PRELID2: variants seen among roughly 807,000 people sequenced by gnomAD.
The protein encoded by PRELID2 is PRELI domain containing 2.
PRELID2 carries 25 observed loss-of-function variants against 28.4 expected under a neutral mutation model. The ratio of observed to expected loss-of-function variants is 0.88; its 90% CI spans 0.64 to 1.23. PRELID2 has a LOEUF of 1.23. Ranked by LOEUF, PRELID2 falls within the 50% of genes most tolerant of loss-of-function variation. PRELID2 has a pLI of 0.00. For missense variants in PRELID2, 201 were observed against 214.4 expected (o/e 0.94, Z 0.39); for synonymous variants, 76 against 71.6 (o/e 1.06, Z -0.31).
At chr5:145,776,937 A>T (rs1378995062) in intron 5 of PRELID2, among the ~76,000 whole-genome samples, 1 of 152,172 alleles carries the variant, frequency 6.6e-6, no homozygotes, top group Non-Finnish European at 1.5e-5. Flanking sequence ...TCCTTTCAAT[A>T]AAAAAATTAA....
At chr5:145,329,575 T>G in the PRELID2 span, among the ~76,000 whole-genome samples, 2 of 152,216 alleles carry the variant, frequency 1.3e-5, no homozygotes, top group Non-Finnish European at 2.9e-5. Context: ...GATTTGGCTG[T>G]CTGTTTCCCT....
the PRELID2 span, among the ~76,000 whole-genome samples, chr5:145,455,046 T>C: frequency 8.7e-4 from 132 of 152,334 alleles, 1 homozygote; most frequent in African/African-American, 3.0e-3. Flanking sequence ...AGTCATGAAA[T>C]CTTTGCCCAT....
the PRELID2 span, among the ~76,000 whole-genome samples, chr5:145,424,799 C>T: frequency 6.6e-6 from 1 of 152,128 alleles, no homozygotes; most frequent in African/African-American, 2.4e-5. Context: ...AAATGTAAAA[C>T]CCAAAACTAT....
chr5:145,714,710 T>G (rs1023365794), intron 1 of PRELID2, among the ~76,000 whole-genome samples: 4 of 152,196 alleles, frequency 2.6e-5, no homozygotes, highest in African/African-American at 7.2e-5. Flanking sequence ...GTCTCCTTGT[T>G]GCCAAATCCA....
chr5:145,456,333 T>A, the PRELID2 span, among the ~76,000 whole-genome samples: 1 of 152,232 alleles, frequency 6.6e-6, no homozygotes, highest in East Asian at 1.9e-4. Context: ...GTCTGCAGAC[T>A]ATTTTGTGTA....
chr5:145,520,763 A>G (rs749296065), intron 1 of PRELID2, among the ~76,000 whole-genome samples: 1 of 152,196 alleles, frequency 6.6e-6, no homozygotes, highest in African/African-American at 2.4e-5. Context: ...TTTAAACCTC[A>G]AGCAGACAAG....
intron 1 of PRELID2, among the ~76,000 whole-genome samples, chr5:145,604,529 C>A (rs1753467995): frequency 6.6e-6 from 1 of 151,950 alleles, no homozygotes; most frequent in Non-Finnish European, 1.5e-5. Flanking sequence ...GTGAACAGTG[C>A]TGCAATGAAC....
chr5:145,645,184 T>C (rs1331290779), intron 1 of PRELID2, among the ~76,000 whole-genome samples: 1 of 152,162 alleles, frequency 6.6e-6, no homozygotes, highest in East Asian at 1.9e-4. Flanking sequence ...ACTTGCTTTA[T>C]GAATCTGGGT....
At chr5:145,519,088 T>C (rs893279014) in intron 1 of PRELID2, among the ~76,000 whole-genome samples, 1 of 152,182 alleles carries the variant, frequency 6.6e-6, no homozygotes. Flanking sequence ...CACCAAGACT[T>C]CTCTGGTGGA....
chr5:145,423,264 T>A, the PRELID2 span, among the ~76,000 whole-genome samples: 1 of 149,352 alleles, frequency 6.7e-6, no homozygotes, highest in African/African-American at 2.5e-5. Flanking sequence ...CTGTATTTCC[T>A]GAATCTGAAC....
At chr5:145,630,798 AG>A (rs1753922412) in intron 1 of PRELID2, among the ~76,000 whole-genome samples, 1 of 152,210 alleles carries the variant, frequency 6.6e-6, no homozygotes, top group African/African-American at 2.4e-5. Context: ...CTCACCTTTT[AG>A]GTCAACATAT....
the PRELID2 span, among the ~76,000 whole-genome samples, chr5:145,294,950 T>C: frequency 2.0e-5 from 3 of 152,170 alleles, no homozygotes; most frequent in Non-Finnish European, 2.9e-5. Context: ...TTTTTTATTC[T>C]GTGAGAGCAA....
chr5:145,334,476 T>C, the PRELID2 span, among the ~76,000 whole-genome samples: 1 of 152,348 alleles, frequency 6.6e-6, no homozygotes, highest in South Asian at 2.1e-4. Flanking sequence ...TTAACTTGTA[T>C]ACTATAGTTA....
At chr5:145,803,553 T>G (rs1181121795) in intron 4 of PRELID2, among the ~76,000 whole-genome samples, 1 of 152,104 alleles carries the variant, frequency 6.6e-6, no homozygotes, top group African/African-American at 2.4e-5. Context: ...TGAAGTTCGC[T>G]CTTCTCTAAA....
chr5:145,603,868 A>T (rs987796918), intron 1 of PRELID2, among the ~76,000 whole-genome samples: 3 of 152,142 alleles, frequency 2.0e-5, no homozygotes, highest in Non-Finnish European at 4.4e-5. Context: ...ACTTTAAAAA[A>T]TTAGACAAAG....
chr5:145,584,166 C>A (rs1753131790), intron 1 of PRELID2, among the ~76,000 whole-genome samples: 1 of 151,960 alleles, frequency 6.6e-6, no homozygotes, highest in Admixed American at 6.6e-5. Flanking sequence ...TTTGGCAAAC[C>A]TGACAAAAAC....
chr5:145,343,653 A>G, the PRELID2 span, among the ~76,000 whole-genome samples: 1 of 151,914 alleles, frequency 6.6e-6, no homozygotes, highest in East Asian at 1.9e-4. Context: ...GCAGAAGAAA[A>G]GAAATAATAA....
At chr5:145,824,308 G>A (rs888847581) in intron 1 of PRELID2, among the ~76,000 whole-genome samples, 36 of 152,114 alleles carry the variant, frequency 2.4e-4, no homozygotes, top group African/African-American at 8.7e-4. Flanking sequence ...AAAGCAGCAG[G>A]CAGGCTGAGG....
chr5:145,470,682 G>A (rs1294717502), downstream of PRELID2, among the ~76,000 whole-genome samples: 1 of 152,100 alleles, frequency 6.6e-6, no homozygotes, highest in Non-Finnish European at 1.5e-5. Flanking sequence ...CACTTAGCAT[G>A]ATATGAATGA....
Sources: allele counts gnomAD v4.1 joint callset (sites outside exome capture counted in the v4.1 genomes callset), GRCh38; gene constraint gnomAD v4.1.1; transcripts MANE v1.5; gene names NCBI Gene and HGNC (gene_info 2026-07-23, HGNC 2026-07-21).